The following MGAT2 variants were observed in gnomAD, a reference collection of about 807,000 sequenced individuals.
MGAT2 encodes alpha-1,6-mannosyl-glycoprotein 2-beta-N-acetylglucosaminyltransferase.
MGAT2 carries 17 observed loss-of-function variants against 33.8 expected under a neutral mutation model. That is an observed-to-expected ratio of 0.50 (90% CI 0.34 to 0.76). The LOEUF is 0.76. MGAT2 is among the 30% of genes least tolerant of loss of function. The probability of loss-of-function intolerance (pLI) is 0.01; values close to 1 mark genes in which losing one functional copy is unlikely to be tolerated. For missense variants in MGAT2, 529 were observed against 553.9 expected, an observed-to-expected ratio of 0.96 and a Z score of 0.45; for synonymous variants, 248 against 226.7, an observed-to-expected ratio of 1.09 and a Z score of -0.84.
At position 49,621,420 on chromosome 14, in the gene MGAT2, G is replaced by T. The variant is rs751218190; in HGVS notation, c.152G>T (p.Gly51Val). ...GACGCCGAACCCGCGCGGGGTGCCGGCGGCCGCGGTGGGGACCACCCCTCT... is the reference window on the plus strand; with the variant it reads ...GACGCCGAACCCGCGCGGGGTGCCGTCGGCCGCGGTGGGGACCACCCCTCT... ...LLDAEPARGA[G>V]GRGGDHPSVA... The change falls in exon 1 of 1, where the codon GGC (glycine) becomes GTC (valine). Residue 51 changes from glycine (G) to valine (V), a missense_variant. This residue lies in a region of MGAT2 where 501 missense variants were observed against 501.1 expected (regional missense o/e 1.00). Transcript: ENST00000305386. This position sits in a 1 kb window ranked among gnomAD's most constrained non-coding sequence, Gnocchi z 4.6. The T allele has an allele frequency of 6.2e-7, 1 of 1,608,016 alleles. No individual in the cohort carries two copies. Among genetic ancestry groups the T allele is most frequent in the Non-Finnish European group, 8.5e-7 (1 of 1,176,708 alleles).
rs775897103 is a variant in MGAT2, at chr14:49,622,730, T to G, written c.*118T>G. The G allele has an allele frequency of 9.8e-7, 1 of 1,025,554 alleles. No homozygotes were observed. The highest frequency in any genetic ancestry group is 3.3e-4 in the Middle Eastern group (1 of 3,074). 63.5% of individuals were successfully genotyped at this position (1,025,554 alleles called of 1,614,324 possible). On this transcript the variant is annotated 3_prime_UTR_variant, in exon 1 of 1. Coordinates refer to ENST00000305386, the MANE Select transcript of MGAT2 (RefSeq NM_002408.4). ...GCTTTAATACAAAAACAAAATCTTG[T>G]AAAAGGTGTCCAAATACATAGTAAT...
Position 49,622,705 on chromosome 14 carries a change from G to A in MGAT2, c.*93G>A. 7.4e-7 allele frequency: 1 copy of A among 1,344,380 alleles called. No homozygotes were observed. Among genetic ancestry groups the A allele is most frequent in the Non-Finnish European group, 1.0e-6 (1 of 1,002,020 alleles). 83.3% of individuals were successfully genotyped at this position (1,344,380 alleles called of 1,614,324 possible). On this transcript the variant is annotated 3_prime_UTR_variant, in exon 1 of 1. Transcript: ENST00000305386. The stretch of plus-strand genomic sequence containing the variant: ...TAAAAGAGTTTAGGAACTGGTTTCT[G>A]CTTTAATACAAAAACAAAATCTTGT...
In MGAT2 at chr14:49,620,839, C is replaced by G; in HGVS notation, c.-430C>G. ...CATAACGGTCCCCGCCGGAGTGAGG[C>G]GAGGCCGCGTCGCTCAGTTCTGGCC... On this transcript the variant is annotated 5_prime_UTR_variant, in exon 1 of 1. Coordinates refer to ENST00000305386, the MANE Select transcript of MGAT2 (RefSeq NM_002408.4). The G allele has an allele frequency of 3.2e-6, 2 of 631,044 alleles. No individual in the cohort carries two copies. Among genetic ancestry groups the G allele is most frequent in the Non-Finnish European group, 5.7e-6 (2 of 352,516 alleles). 39.1% of individuals were successfully genotyped at this position (631,044 alleles called of 1,614,324 possible).
Position 49,620,868 on chromosome 14 carries a change from T to C in MGAT2, c.-401T>C, listed in dbSNP as rs1882821634. 3 of 685,566 alleles carry C rather than the reference T, an allele frequency of 4.4e-6. No individual in the cohort carries two copies. The highest frequency in any genetic ancestry group is 5.4e-5 in the East Asian group (2 of 37,048). 42.5% of individuals were successfully genotyped at this position (685,566 alleles called of 1,614,324 possible). ...GCCGCGTCGCTCAGTTCTGGCCGTC[T>C]AGGGCCCCTGTAAGGATGAGAGCGC... On this transcript the variant is annotated 5_prime_UTR_variant, in exon 1 of 1. Coordinates refer to ENST00000305386, the MANE Select transcript of MGAT2 (RefSeq NM_002408.4).
In MGAT2 at chr14:49,622,686, A is replaced by T; in HGVS notation, c.*74A>T. ...AACAGGACATACAATTGAATAAAAG[A>T]GTTTAGGAACTGGTTTCTGCTTTAA... On this transcript the variant is annotated 3_prime_UTR_variant, in exon 1 of 1. Coordinates refer to ENST00000305386, the MANE Select transcript of MGAT2 (RefSeq NM_002408.4). The T allele has an allele frequency of 6.8e-7, 1 of 1,481,054 alleles. No homozygotes were observed. Among genetic ancestry groups the T allele is most frequent in the Non-Finnish European group, 9.0e-7 (1 of 1,106,240 alleles). The allele number at this position is 1,481,054 out of a possible 1,614,324, so 91.7% of individuals were successfully genotyped here.
rs769904884 is a variant in MGAT2 at position 49,621,603 on chromosome 14, C to A, written c.335C>A (p.Thr112Asn). The change falls in exon 1 of 1, where the codon ACC becomes AAC. Residue 112 changes from threonine to asparagine, a missense_variant. Thr to Asn is a moderately conservative substitution (Grantham distance 65). This residue lies in a region of MGAT2 where 501 missense variants were observed against 501.1 expected (regional missense o/e 1.00). Transcript: ENST00000305386. The surrounding 1 kb of genome is among the most constrained non-coding windows in gnomAD (Gnocchi z 4.6). ...CTGAGGAATGTAGATAAGGCTGGCACCTGGGCCCCCCGGGAGCTGGTGCTG... is the reference window on the plus strand; with the variant it reads ...CTGAGGAATGTAGATAAGGCTGGCAACTGGGCCCCCCGGGAGCTGGTGCTG... ...QTLRNVDKAG[T>N]WAPRELVLVV... The A allele has an allele frequency of 3.1e-6, 5 of 1,613,994 alleles. No individual in the cohort carries two copies. The Admixed American group carries it at 8.3e-5, about 27-fold the overall frequency.
At position 49,621,682 on chromosome 14, in the gene MGAT2, T is replaced by C. The variant is rs1882857497; in HGVS notation, c.414T>C (p.Leu138=). The change falls in exon 1 of 1, where the codon CTT becomes CTC. Residue 138 remains leucine (L), a synonymous_variant. Transcript: ENST00000305386. The surrounding 1 kb of genome is among the most constrained non-coding windows in gnomAD (Gnocchi z 4.6). The stretch of plus-strand genomic sequence containing the variant: ...ACCTCAGACTGCTGCTGGACTCACT[T>C]CGAAAAGCCCAGGGAATTGACAACG... The part of the protein sequence containing the change: ...PEYLRLLLDS[L]RKAQGIDNVL... The C allele has an allele frequency of 6.2e-7, 1 of 1,614,080 alleles. No individual in the cohort carries two copies. Among genetic ancestry groups the C allele is most frequent in the Non-Finnish European group, 8.5e-7 (1 of 1,179,942 alleles).
Position 49,621,977 on chromosome 14 carries a change from A to G in MGAT2, c.709A>G (p.Lys237Glu). 1 of 1,614,222 alleles carries G rather than the reference A, an allele frequency of 6.2e-7. No homozygotes were observed. The highest frequency in any genetic ancestry group is 8.5e-7 in the Non-Finnish European group (1 of 1,180,042). Residue 237 changes from lysine to glutamate, a missense_variant, in exon 1 of 1, where the codon AAG (lysine) becomes GAG (glutamate). Lys to Glu is a moderately conservative substitution (Grantham distance 56). Coordinates refer to ENST00000305386, the MANE Select transcript of MGAT2 (RefSeq NM_002408.4). This position sits in a 1 kb window ranked among gnomAD's most constrained non-coding sequence, Gnocchi z 4.6. Reference protein sequence around the residue: ...FSQTKHHWWWKLHFVWERVKI... With the variant: ...FSQTKHHWWWELHFVWERVKI... The stretch of plus-strand genomic sequence containing the variant: ...CCAGACCAAACATCACTGGTGGTGG[A>G]AGCTGCATTTTGTGTGGGAAAGAGT...
Position 49,621,706 on chromosome 14 carries a change from C to T in MGAT2, c.438C>T (p.Asn146=), listed in dbSNP as rs375347057. Reference sequence around the variant, plus strand: ...TTCGAAAAGCCCAGGGAATTGACAACGTCCTCGTCATCTTTAGCCATGACT... The same window carrying T: ...TTCGAAAAGCCCAGGGAATTGACAATGTCCTCGTCATCTTTAGCCATGACT... ...DSLRKAQGID[N]VLVIFSHDFW... is the part of the protein sequence containing the mutation. Residue 146 remains asparagine, a synonymous_variant, in exon 1 of 1, where the codon AAC becomes AAT. Transcript: ENST00000305386. This position sits in a 1 kb window ranked among gnomAD's most constrained non-coding sequence, Gnocchi z 4.6. The T allele has an allele frequency of 2.0e-5, 32 of 1,614,124 alleles. 1 individual carries two copies. The South Asian group carries it at 3.3e-4, about 17-fold the overall frequency.
Position 49,620,984 on chromosome 14 carries a change from A to G in MGAT2, c.-285A>G, listed in dbSNP as rs927726330. The G allele has an allele frequency of 4.3e-6, 3 of 702,522 alleles. No homozygotes were observed. Among genetic ancestry groups the G allele is most frequent in the Admixed American group, 2.0e-5 (1 of 49,992 alleles). 43.5% of individuals were successfully genotyped at this position (702,522 alleles called of 1,614,324 possible). A position where few individuals can be genotyped will look rare whatever the true frequency, so the allele number is the denominator to read the frequency against. On this transcript the variant is annotated 5_prime_UTR_variant, in exon 1 of 1. It removes an upstream start codon present in the reference 5' UTR. Coordinates refer to ENST00000305386, the MANE Select transcript of MGAT2 (RefSeq NM_002408.4). ...CTTTTTCCGGGACCCGTGGTGCTGAATGGAGAGGACGGAGACGAAGCCGAG... is the reference window on the plus strand; with the variant it reads ...CTTTTTCCGGGACCCGTGGTGCTGAGTGGAGAGGACGGAGACGAAGCCGAG...
chr14:49,622,088 A>C lies in MGAT2; in HGVS notation c.820A>C (p.Lys274Gln). The C allele has an allele frequency of 6.2e-7, 1 of 1,614,220 alleles. No homozygotes were observed. The highest frequency in any genetic ancestry group is 2.2e-5 in the East Asian group (1 of 44,888). ...LAPDFYHVFK[K>Q]MWKLKQQECP... ...CCCAGACTTTTACCATGTCTTCAAA[A>C]AGATGTGGAAACTGAAGCAGCAAGA... Residue 274 changes from lysine (K) to glutamine (Q), a missense_variant, in exon 1 of 1, where the codon AAG becomes CAG. Physicochemically the swap from Lys to Gln is moderately conservative, Grantham distance 53. Around this residue, in one of 2 missense-constraint regions of MGAT2, gnomAD observed 501 missense variants for 501.1 expected, o/e 1.00. Coordinates refer to ENST00000305386, the MANE Select transcript of MGAT2 (RefSeq NM_002408.4).
Position 49,622,810 on chromosome 14 carries a change from A to G in MGAT2, c.*198A>G, listed in dbSNP as rs1882893807. On this transcript the variant is annotated 3_prime_UTR_variant, in exon 1 of 1. Transcript: ENST00000305386. ...AAACTGAAGGTTTCATTTTGGGAGT[A>G]GGGTTTTAAAGCTCAATCTGTTATC... is the stretch of plus-strand genomic sequence containing the variant. 1 of 470,392 alleles carries G rather than the reference A, an allele frequency of 2.1e-6. No homozygotes were observed. 29.1% of individuals were successfully genotyped at this position (470,392 alleles called of 1,614,324 possible). A position where few individuals can be genotyped will look rare whatever the true frequency, so the allele number is the denominator to read the frequency against.
Position 49,622,284 on chromosome 14 carries a change from G to C in MGAT2, c.1016G>C (p.Cys339Ser). 1 of 1,614,134 alleles carries C rather than the reference G, an allele frequency of 6.2e-7. No homozygotes were observed. Among genetic ancestry groups the C allele is most frequent in the Non-Finnish European group, 8.5e-7 (1 of 1,180,028 alleles). The change falls in exon 1 of 1, where the codon TGT becomes TCT. Residue 339 changes from cysteine (C) to serine (S), a missense_variant. Cys to Ser is a moderately radical substitution (Grantham distance 112). This residue lies in a region of MGAT2 where 501 missense variants were observed against 501.1 expected (regional missense o/e 1.00). Coordinates refer to ENST00000305386, the MANE Select transcript of MGAT2 (RefSeq NM_002408.4). Reference protein sequence around the residue: ...QKLIECTDTFCTYDDYNWDWT... With the variant: ...QKLIECTDTFSTYDDYNWDWT... Reference sequence around the variant, plus strand: ...CTGATCGAGTGCACAGACACTTTCTGTACTTATGATGATTATAACTGGGAC... The same window carrying C: ...CTGATCGAGTGCACAGACACTTTCTCTACTTATGATGATTATAACTGGGAC...
At position 49,621,945 on chromosome 14, in the gene MGAT2, A is replaced by T; in HGVS notation, c.677A>T (p.Lys226Ile). 6.2e-7 allele frequency: 1 copy of T among 1,614,228 alleles called. No homozygotes were observed. The highest frequency in any genetic ancestry group is 8.5e-7 in the Non-Finnish European group (1 of 1,180,048). Residue 226 changes from lysine to isoleucine, a missense_variant, in exon 1 of 1, where the codon AAA (lysine) becomes ATA (isoleucine). This residue lies in a region of MGAT2 where 501 missense variants were observed against 501.1 expected (regional missense o/e 1.00). Transcript: ENST00000305386. The surrounding 1 kb of genome is among the most constrained non-coding windows in gnomAD (Gnocchi z 4.6). ...TCCTTCGGCCATTATAGAGAGGCCA[A>T]ATTCTCCCAGACCAAACATCACTGG... is the stretch of plus-strand genomic sequence containing the variant. ...PDSFGHYREAKFSQTKHHWWW... is the reference protein window; with the variant it reads ...PDSFGHYREAIFSQTKHHWWW...
chr14:49,622,464 T>G lies in MGAT2; in HGVS notation c.1196T>G (p.Leu399Ter). The G allele has an allele frequency of 1.2e-6, 2 of 1,612,936 alleles. No homozygotes were observed. Among genetic ancestry groups the G allele is most frequent in the Non-Finnish European group, 1.7e-6 (2 of 1,179,488 alleles). Reference protein sequence around the residue: ...STQSAQIESLLNNNKQYMFPE... With the variant: ...STQSAQIESL ...CAGAGTGCCCAAATTGAGTCACTCTTAAATAATAACAAACAATACATGTTT... is the reference window on the plus strand; with the variant it reads ...CAGAGTGCCCAAATTGAGTCACTCTGAAATAATAACAAACAATACATGTTT... Residue 399 changes from leucine to a stop codon, truncating the protein, a stop_gained, in exon 1 of 1, where the codon TTA (leucine) becomes TGA (stop). Coordinates refer to ENST00000305386, the MANE Select transcript of MGAT2 (RefSeq NM_002408.4). LOFTEE classifies it high-confidence loss of function.
Position 49,622,334 on chromosome 14 carries a change from T to A in MGAT2, c.1066T>A (p.Ser356Thr), listed in dbSNP as rs201381314. The A allele has an allele frequency of 6.2e-7, 1 of 1,614,180 alleles. No homozygotes were observed. The highest frequency in any genetic ancestry group is 8.5e-7 in the Non-Finnish European group (1 of 1,180,046). ...WDWTLQYLTVSCLPKFWKVLV... is the reference protein window; with the variant it reads ...WDWTLQYLTVTCLPKFWKVLV... Reference sequence around the variant, plus strand: ...CTGGACTCTTCAATACTTGACTGTATCTTGTCTTCCAAAATTCTGGAAAGT... The same window carrying A: ...CTGGACTCTTCAATACTTGACTGTAACTTGTCTTCCAAAATTCTGGAAAGT... Residue 356 changes from serine to threonine, a missense_variant, in exon 1 of 1, where the codon TCT (serine) becomes ACT (threonine). Physicochemically the swap from Ser to Thr is moderately conservative, Grantham distance 58. This residue lies in a region of MGAT2 where 501 missense variants were observed against 501.1 expected (regional missense o/e 1.00). Transcript: ENST00000305386.
rs746915490 is a variant in MGAT2 at position 49,621,255 on chromosome 14, C to G, written c.-14C>G. ...TTCCGCGCCCGCCCGCCTGCGCTCC[C>G]GGCCCTGGAGACCATGAGGTTCCGC... On this transcript the variant is annotated 5_prime_UTR_variant, in exon 1 of 1. Coordinates refer to ENST00000305386, the MANE Select transcript of MGAT2 (RefSeq NM_002408.4). The surrounding 1 kb of genome is among the most constrained non-coding windows in gnomAD (Gnocchi z 4.6). The G allele has an allele frequency of 1.9e-5, 30 of 1,611,880 alleles. No homozygotes were observed. The highest frequency in any genetic ancestry group is 4.5e-5 in the East Asian group (2 of 44,878).
In MGAT2 at chr14:49,621,386, C is replaced by T; in HGVS notation, c.118C>T (p.Pro40Ser). ...RQRKNEALAPPLLDAEPARGA... is the reference protein window; with the variant it reads ...RQRKNEALAPSLLDAEPARGA... ...AAGGAAGAACGAGGCCCTCGCCCCA[C>T]CGTTGCTGGACGCCGAACCCGCGCG... Residue 40 changes from proline (P) to serine (S), a missense_variant, in exon 1 of 1, where the codon CCG becomes TCG. By Grantham distance (74) the Pro-to-Ser change is moderately conservative. Around this residue, in one of 2 missense-constraint regions of MGAT2, gnomAD observed 501 missense variants for 501.1 expected, o/e 1.00. Coordinates refer to ENST00000305386, the MANE Select transcript of MGAT2 (RefSeq NM_002408.4). This position sits in a 1 kb window ranked among gnomAD's most constrained non-coding sequence, Gnocchi z 4.6. 6.2e-7 allele frequency: 1 copy of T among 1,610,940 alleles called. No homozygotes were observed. The highest frequency in any genetic ancestry group is 8.5e-7 in the Non-Finnish European group (1 of 1,178,698).
Position 49,622,581 on chromosome 14 carries a change from A to T in MGAT2, c.1313A>T (p.Glu438Val), listed in dbSNP as rs3007039. 1.9e-5 allele frequency: 31 copies of T among 1,594,184 alleles called. 1 individual carries two copies. The African/African-American group carries it at 3.8e-4, about 20-fold the overall frequency. The change falls in exon 1 of 1, where the codon GAA (glutamate) becomes GTA (valine). Residue 438 changes from glutamate (E) to valine (V), a missense_variant. Coordinates refer to ENST00000305386, the MANE Select transcript of MGAT2 (RefSeq NM_002408.4). ...GGGTGGGGAGATATTAGGGACCATG[A>T]ACTCTGTAAAAGTTATAGAAGACTG... ...NGGWGDIRDH[E>V]LCKSYRRLQ
Sources: allele counts gnomAD v4.1 joint callset, GRCh38; gene constraint gnomAD v4.1.1; regional missense constraint gnomAD v4.1.1; non-coding constraint Gnocchi (gnomAD v3.1); transcripts MANE v1.5; gene names NCBI Gene and HGNC (gene_info 2026-07-23, HGNC 2026-07-21).